DNAH5: variants seen among roughly 807,000 people sequenced by gnomAD.
DNAH5 encodes axonemal beta dynein heavy chain 5.
Under a neutral mutation model 518.2 loss-of-function variants are expected in DNAH5, and 372 were observed. The observed-to-expected ratio is 0.72, with a 90% CI of 0.66 to 0.78. The LOEUF is 0.78. Among genes scored for constraint, DNAH5 ranks in the 30% least tolerant of loss-of-function variants. The pLI is 0.00. For missense variants in DNAH5, 5,523 were observed against 5,687.0 expected (o/e 0.97, Z 0.93); for synonymous variants, 2,039 against 2,025.9 (o/e 1.01, Z -0.17).
chr5:13,922,265 G>T lies in DNAH5; in HGVS notation c.502C>A (p.Leu168Met). The T allele has an allele frequency of 6.2e-7, 1 of 1,613,766 alleles. No homozygotes were observed. The highest frequency in any genetic ancestry group is 8.5e-7 in the Non-Finnish European group (1 of 1,179,880). ...GGLLNSVRRL[L>M]SDIFIPALRA... The stretch of plus-strand genomic sequence containing the variant: ...AGAGCAGGAATGAAGATGTCCGACA[G>T]CAAACGTCTCACACTGTTGAGCAGG... Residue 168 changes from leucine (L) to methionine (M), a missense_variant, in exon 5 of 79, where the codon CTG becomes ATG. Around this residue, in one of 3 missense-constraint regions of DNAH5, gnomAD observed 5,121 missense variants for 5,223.3 expected, o/e 0.98. Transcript: ENST00000265104.
In DNAH5 at chr5:13,769,501, C is replaced by G; in HGVS notation, c.9720G>C (p.Met3240Ile). Residue 3240 changes from methionine (M) to isoleucine (I), a missense_variant and splice_region_variant, in exon 57 of 79, where the codon ATG becomes ATC. Around this residue, in one of 3 missense-constraint regions of DNAH5, gnomAD observed 5,121 missense variants for 5,223.3 expected, o/e 0.98. Coordinates refer to ENST00000265104, the MANE Select transcript of DNAH5 (RefSeq NM_001369.3). ...GGCACATGTGTAAATGCCCACCCAC[C>G]ATGTCGGCTTTATCGTTGGCCACTT... ...ELQVANDKADMVLKEVTMKAQ... is the reference protein window; with the variant it reads ...ELQVANDKADIVLKEVTMKAQ... The G allele has an allele frequency of 6.2e-7, 1 of 1,613,326 alleles. No individual in the cohort carries two copies. The highest frequency in any genetic ancestry group is 8.5e-7 in the Non-Finnish European group (1 of 1,179,288).
At chr5:13,988,116 T>C (rs1335110207) in intron 1 of DNAH5, among the ~76,000 whole-genome samples, 5 of 152,212 alleles carry the variant, frequency 3.3e-5, no homozygotes, top group Non-Finnish European at 7.3e-5. Context: ...ATTTGCTATT[T>C]TGACAAACTG....
chr5:13,961,726 CA>C (rs1369155414), intron 1 of DNAH5, among the ~76,000 whole-genome samples: 1 of 152,166 alleles, frequency 6.6e-6, no homozygotes, highest in Non-Finnish European at 1.5e-5. Context: ...ATCCCATCTT[CA>C]CTACACAGCA....
intron 47 of DNAH5, among the ~76,000 whole-genome samples, chr5:13,802,720 T>A (rs1422620084): frequency 6.6e-6 from 1 of 152,200 alleles, no homozygotes; most frequent in African/African-American, 2.4e-5. Context: ...CACGCAATCA[T>A]CTTTGTGAAT....
In DNAH5 at chr5:13,750,822, G is replaced by A. The variant is rs16902741; in HGVS notation, c.11211+256C>T. On this transcript the variant is annotated intron_variant, in intron 65 of 78. Coordinates refer to ENST00000265104, the MANE Select transcript of DNAH5 (RefSeq NM_001369.3). ...ATGCTGAAAATGAGACTGATTCCTCGTAGTTTCATCATCAGTCTGTATAAA... is the reference window on the plus strand; with the variant it reads ...ATGCTGAAAATGAGACTGATTCCTCATAGTTTCATCATCAGTCTGTATAAA... Among the ~76,000 whole-genome samples the A allele has an allele frequency of 0.33, 50,385 of 151,998 alleles. 8,513 individuals are homozygous for A. Among genetic ancestry groups the A allele is most frequent in the East Asian group, 0.43 (2,232 of 5,164 alleles).
intron 54 of DNAH5, 104 bp downstream of exon 54, chr5:13,777,098 C>T: frequency 5.4e-6 from 6 of 1,101,382 alleles, no homozygotes; most frequent in Non-Finnish European, 8.1e-6. Context: ...AATACCCATC[C>T]CCAATAGCAC....
rs150477000 is a variant in DNAH5, at chr5:13,836,317, C to T, written c.5882+3039G>A. Among the ~76,000 whole-genome samples the T allele has an allele frequency of 3.6e-4, 55 of 152,178 alleles. No homozygotes were observed. The East Asian group carries it at 0.01, about 29-fold the overall frequency. ...TTGGGAGAGAAGCCCTGGTTTGAGGCAGAGTTTGGGGTTTTTGAAGCCATG... is the reference window on the plus strand; with the variant it reads ...TTGGGAGAGAAGCCCTGGTTTGAGGTAGAGTTTGGGGTTTTTGAAGCCATG... On this transcript the variant is annotated intron_variant, in intron 35 of 78. Transcript: ENST00000265104.
At chr5:13,754,482 T>G (rs1365763734) in intron 61 of DNAH5, 144 bp from the exon 62 acceptor site, 13 of 940,332 alleles carry the variant, frequency 1.4e-5, no homozygotes, top group Non-Finnish European at 1.7e-6. Context: ...AGATTCTATT[T>G]CCATGTGTCT....
rs115728665 is a variant in DNAH5, at chr5:13,981,525, G to T, written c.12+30123C>A. On this transcript the variant is annotated intron_variant, in intron 1 of 78. Coordinates refer to the DNAH5 transcript ENST00000681290. ...TCCCTTGCCTGTGGGAAGAAGCAAGGTAAGTGGATTTTTTGATGTGGCACT... is the reference window on the plus strand; with the variant it reads ...TCCCTTGCCTGTGGGAAGAAGCAAGTTAAGTGGATTTTTTGATGTGGCACT... Among the ~76,000 whole-genome samples the T allele has an allele frequency of 7.4e-3, 1,126 of 152,280 alleles. 16 individuals carry two copies. The highest frequency in any genetic ancestry group is 0.026 in the African/African-American group (1,086 of 41,560).
In DNAH5 at chr5:13,867,869, A is replaced by T; in HGVS notation, c.3958T>A (p.Leu1320Ile). 1 of 1,614,066 alleles carries T rather than the reference A, an allele frequency of 6.2e-7. No individual in the cohort carries two copies. Among genetic ancestry groups the T allele is most frequent in the Non-Finnish European group, 8.5e-7 (1 of 1,179,976 alleles). ...LARAGEVQNKLVSLQPSFKKE... is the reference protein window; with the variant it reads ...LARAGEVQNKIVSLQPSFKKE... ...TTGAAACTGGGCTGCAGTGAGACTA[A>T]TTTATTCTGGACTTCGCCAGCACGT... is the stretch of plus-strand genomic sequence containing the variant. Residue 1320 changes from leucine to isoleucine, a missense_variant, in exon 25 of 79, where the codon TTA becomes ATA. Leu to Ile is a conservative substitution (Grantham distance 5). Coordinates refer to ENST00000265104, the MANE Select transcript of DNAH5 (RefSeq NM_001369.3).
rs1218616570 is a variant in DNAH5 at position 13,773,529 on chromosome 5, G to T, written c.9374-2549C>A. 2.6e-5 allele frequency among the ~76,000 whole-genome samples: 4 copies of T among 152,280 alleles called. No individual in the cohort carries two copies. The East Asian group carries it at 7.7e-4, about 29-fold the overall frequency. ...CAAGGCCATATTATGGAAAGATGAT[G>T]AATTTCTACACAGTCTGATCCATTC... is the stretch of plus-strand genomic sequence containing the variant. On this transcript the variant is annotated intron_variant, in intron 55 of 78. Transcript: ENST00000265104.
chr5:13,746,778 A>T (rs1749400531), intron 65 of DNAH5, among the ~76,000 whole-genome samples: 1 of 151,952 alleles, frequency 6.6e-6, no homozygotes, highest in Admixed American at 6.6e-5. Context: ...ATTTTCTTTT[A>T]CCCTTGGCTC....
At chr5:14,009,309 T>G (rs953523178) in intron 1 of DNAH5, among the ~76,000 whole-genome samples, 11 of 152,282 alleles carry the variant, frequency 7.2e-5, no homozygotes, top group African/African-American at 2.4e-4. Flanking sequence ...TTCCTCCAAA[T>G]AGCCATGCTC....
Position 13,811,811 on chromosome 5 carries a change from T to C in DNAH5, c.7243A>G (p.Lys2415Glu), listed in dbSNP as rs750829410. ...ATTTCTGCTTCTTGAGGTGAGCGTT[T>C]CTTAAGAAAACCCTGTCAGTTCACA... ...WSPILEGFLK[K>E]RSPQEAEILR... is the part of the protein sequence containing the mutation. The change falls in exon 44 of 79, where the codon AAA (lysine) becomes GAA (glutamate). Residue 2415 changes from lysine (K) to glutamate (E), a missense_variant. Around this residue, in one of 3 missense-constraint regions of DNAH5, gnomAD observed 5,121 missense variants for 5,223.3 expected, o/e 0.98. Coordinates refer to ENST00000265104, the MANE Select transcript of DNAH5 (RefSeq NM_001369.3). The C allele has an allele frequency of 8.7e-6, 14 of 1,614,166 alleles. No individual in the cohort carries two copies. The highest frequency in any genetic ancestry group is 1.2e-5 in the Non-Finnish European group (14 of 1,180,016).
At chr5:13,916,772 C>T (rs1376854154) in intron 8 of DNAH5, among the ~76,000 whole-genome samples, 2 of 151,856 alleles carry the variant, frequency 1.3e-5, no homozygotes, top group Non-Finnish European at 2.9e-5. Flanking sequence ...GCAGGCACTT[C>T]CGAAAGCTAA....
At chr5:13,945,152 A>G (rs1179593261), upstream of DNAH5, among the ~76,000 whole-genome samples, 3 of 152,226 alleles carry the variant, frequency 2.0e-5, no homozygotes, top group African/African-American at 7.2e-5. Flanking sequence ...ACTTCAGCCA[A>G]GGTAATTTAT....
At chr5:13,709,400 TA>T (rs888993009) in intron 75 of DNAH5, among the ~76,000 whole-genome samples, 189 of 150,512 alleles carry the variant, frequency 1.3e-3, no homozygotes, top group East Asian at 2.7e-3. Context: ...TTTTGTAATT[TA>T]AAAAAAAAAA....
In DNAH5 at chr5:13,691,670, C is replaced by A; in HGVS notation, c.*314G>T. On this transcript the variant is annotated 3_prime_UTR_variant, in exon 79 of 79. Coordinates refer to ENST00000265104, the MANE Select transcript of DNAH5 (RefSeq NM_001369.3). ...ATTCCTCCCAGAGAAATACTGTCTG[C>A]TTACCCTAGTCAGTCTTCGGAGCGA... The A allele has an allele frequency of 3.0e-6, 1 of 338,408 alleles. No individual in the cohort carries two copies. The highest frequency in any genetic ancestry group is 7.2e-5 in the East Asian group (1 of 13,894). The allele number at this position is 338,408 out of a possible 1,614,324, so 21.0% of individuals were successfully genotyped here.
chr5:13,793,668 G>C lies in DNAH5; in HGVS notation c.8071C>G (p.Pro2691Ala), dbSNP rs371105950. ...EQNGFYNLEKPGEFTSIVDIQ... is the reference protein window; with the variant it reads ...EQNGFYNLEKAGEFTSIVDIQ... ...TCCACGATGCTGGTGAACTCCCCAG[G>C]CTTCTCTAGATTATAGAATCCATTT... Residue 2691 changes from proline to alanine, a missense_variant, in exon 49 of 79, where the codon CCT (proline) becomes GCT (alanine). Transcript: ENST00000265104. 3.7e-6 allele frequency: 6 copies of C among 1,614,058 alleles called. No individual in the cohort carries two copies. Among genetic ancestry groups the C allele is most frequent in the Non-Finnish European group, 8.5e-7 (1 of 1,180,016 alleles).
Sources: allele counts gnomAD v4.1 joint callset (sites outside exome capture counted in the v4.1 genomes callset), GRCh38; gene constraint gnomAD v4.1.1; regional missense constraint gnomAD v4.1.1; transcripts MANE v1.5; gene names NCBI Gene and HGNC (gene_info 2026-07-23, HGNC 2026-07-21).